The following KREMEN1 variants were observed in gnomAD, a reference collection of about 807,000 sequenced individuals.
KREMEN1 encodes the protein kringle containing transmembrane protein 1.
A neutral mutation model predicts 46.5 loss-of-function variants in KREMEN1; 30 were observed. The observed-to-expected ratio is 0.65, with a 90% CI of 0.48 to 0.88. The LOEUF is 0.88. KREMEN1 is among the 40% of genes least tolerant of loss of function. The probability of loss-of-function intolerance (pLI) is 0.00; values close to 1 mark genes in which losing one functional copy is unlikely to be tolerated. For missense variants in KREMEN1, 533 were observed against 596.9 expected, an observed-to-expected ratio of 0.89 and a Z score of 1.11; for synonymous variants, 214 against 230.6, an observed-to-expected ratio of 0.93 and a Z score of 0.65.
At chr22:29,108,218 C>T (rs939449715) in intron 3 of KREMEN1, among the ~76,000 whole-genome samples, 4 of 152,186 alleles carry the variant, frequency 2.6e-5, no homozygotes, top group South Asian at 2.1e-4. Context: ...ACCCAGGAGG[C>T]GGAGGTTGCG....
At chr22:29,166,404 G>T (rs1039913876) in intron 9 of KREMEN1, among the ~76,000 whole-genome samples, 3 of 152,150 alleles carry the variant, frequency 2.0e-5, no homozygotes, top group African/African-American at 7.2e-5. Flanking sequence ...CCTCACATCT[G>T]CTGGGACTCA....
At chr22:29,104,644 C>T (rs111917838) in intron 3 of KREMEN1, among the ~76,000 whole-genome samples, 8 of 152,160 alleles carry the variant, frequency 5.3e-5, no homozygotes, top group South Asian at 2.1e-4. Flanking sequence ...CAGTGGCTCA[C>T]GCCTGTAATC....
rs1036645372 is a variant in KREMEN1 at position 29,146,390 on chromosome 22, G to A, written c.*4278G>A. On this transcript the variant is annotated 3_prime_UTR_variant, in exon 9 of 9. Coordinates refer to ENST00000400335, the MANE Select transcript of KREMEN1 (RefSeq NM_001039570.3). The stretch of plus-strand genomic sequence containing the variant: ...TGGTGGGCACATCTCACAGGCTTCC[G>A]TCTTGCTGAGTTGGGTACGGAGGCA... The A allele has an allele frequency of 6.4e-5, 63 of 985,748 alleles. No individual in the cohort carries two copies. The highest frequency in any genetic ancestry group is 2.3e-4 in the East Asian group (2 of 8,834). The allele number at this position is 985,748 out of a possible 1,614,324, so 61.1% of individuals were successfully genotyped here.
intron 1 of KREMEN1, among the ~76,000 whole-genome samples, chr22:29,083,392 C>A (rs1322551452): frequency 6.6e-6 from 1 of 152,154 alleles, no homozygotes. Context: ...GAAGTTTAAT[C>A]TCTACATATT....
chr22:29,075,118 T>C (rs907892745), intron 1 of KREMEN1, among the ~76,000 whole-genome samples: 3 of 152,140 alleles, frequency 2.0e-5, no homozygotes, highest in African/African-American at 7.2e-5. Flanking sequence ...TCACCGTCTT[T>C]TATGGGACTT....
intron 5 of KREMEN1, among the ~76,000 whole-genome samples, chr22:29,131,946 C>A (rs2038569232): frequency 1.4e-5 from 2 of 138,452 alleles, no homozygotes. Flanking sequence ...GATCTTGGCT[C>A]ACAGCAACCT....
At chr22:29,147,324 C>T (rs2038879329), downstream of KREMEN1, among the ~76,000 whole-genome samples, 1 of 152,240 alleles carries the variant, frequency 6.6e-6, no homozygotes, top group South Asian at 2.1e-4. Context: ...CCCACACTTT[C>T]CTTCTTAGGA....
At chr22:29,105,463 GCACACACACACACATA>G (rs1279522165) in intron 3 of KREMEN1, among the ~76,000 whole-genome samples, 2 of 112,880 alleles carry the variant, frequency 1.8e-5, no homozygotes, top group African/African-American at 6.3e-5. Context: ...GTGCGTGTGC[GCACACACACACACATA>G]CACACACACA....
chr22:29,141,299 C>CTGTG (rs59151956), intron 8 of KREMEN1, among the ~76,000 whole-genome samples: 7 of 146,064 alleles, frequency 4.8e-5, no homozygotes, highest in Non-Finnish European at 9.0e-5. Flanking sequence ...GTGTGTGTGT[C>CTGTG]TGTGTGTGTG....
intron 1 of KREMEN1, among the ~76,000 whole-genome samples, chr22:29,080,277 A>G (rs1601748121): frequency 6.6e-6 from 1 of 152,252 alleles, no homozygotes; most frequent in African/African-American, 2.4e-5. Context: ...CAATCAAATT[A>G]GAGACTGTAG....
intron 9 of KREMEN1, among the ~76,000 whole-genome samples, chr22:29,163,376 T>G (rs2039028796): frequency 1.3e-5 from 2 of 152,158 alleles, no homozygotes; most frequent in African/African-American, 4.8e-5. Context: ...CAGGTATTTC[T>G]TTCTTGTTTT....
chr22:29,121,326 C>T (rs368998351), intron 3 of KREMEN1, 31 bp from the exon 4 acceptor site: 181 of 1,610,970 alleles, frequency 1.1e-4, no homozygotes, highest in African/African-American at 1.1e-3. Context: ...CCAGATGTTG[C>T]GAAATTCTTT....
intron 1 of KREMEN1, among the ~76,000 whole-genome samples, chr22:29,080,941 C>CTTTT (rs71313000): frequency 2.2e-4 from 25 of 112,206 alleles, no homozygotes; most frequent in South Asian, 8.4e-4. Flanking sequence ...TTTTTTTGTC[C>CTTTT]TTTTTTTTTT....
At chr22:29,094,693 G>A (rs914945394) in intron 2 of KREMEN1, among the ~76,000 whole-genome samples, 2 of 144,870 alleles carry the variant, frequency 1.4e-5, no homozygotes, top group Admixed American at 7.2e-5. Context: ...GCGCGATCTC[G>A]GCTCACTGCA....
intron 1 of KREMEN1, among the ~76,000 whole-genome samples, chr22:29,085,474 AC>A (rs2037714530): frequency 2.6e-5 from 4 of 152,198 alleles, no homozygotes; most frequent in African/African-American, 7.2e-5. Context: ...AGAAAAAAAA[AC>A]AATAATTCCT....
At chr22:29,107,471 C>T (rs970959928) in intron 3 of KREMEN1, among the ~76,000 whole-genome samples, 6 of 152,066 alleles carry the variant, frequency 3.9e-5, no homozygotes, top group East Asian at 1.9e-4. Flanking sequence ...TCGCCTGCCT[C>T]GGCTTCCCAA....
At chr22:29,085,965 T>C (rs2037721719) in intron 1 of KREMEN1, among the ~76,000 whole-genome samples, 1 of 92,066 alleles carries the variant, frequency 1.1e-5, no homozygotes, top group African/African-American at 4.2e-5. Context: ...AGCAATACCC[T>C]GTCTCAAAAA....
chr22:29,081,499 T>C (rs1408333955), intron 1 of KREMEN1, among the ~76,000 whole-genome samples: 1 of 152,218 alleles, frequency 6.6e-6, no homozygotes, highest in Non-Finnish European at 1.5e-5. Flanking sequence ...AATTCTGTTT[T>C]TATTTGTCAA....
At chr22:29,148,210 G>T (rs1399078370), downstream of KREMEN1, among the ~76,000 whole-genome samples, 3 of 152,164 alleles carry the variant, frequency 2.0e-5, no homozygotes, top group Non-Finnish European at 2.9e-5. Flanking sequence ...TGTCCGGCAG[G>T]CATTGGACAG....
Sources: allele counts gnomAD v4.1 joint callset (sites outside exome capture counted in the v4.1 genomes callset), GRCh38; gene constraint gnomAD v4.1.1; transcripts MANE v1.5; gene names NCBI Gene and HGNC (gene_info 2026-07-23, HGNC 2026-07-21).